NCOA2: variants seen among roughly 807,000 people sequenced by gnomAD.
NCOA2 encodes the protein nuclear receptor coactivator 2.
NCOA2 carries 21 observed loss-of-function variants against 145.1 expected under a neutral mutation model. The ratio of observed to expected loss-of-function variants is 0.14; its 90% confidence interval spans 0.10 to 0.21. NCOA2 has a LOEUF of 0.21. Among genes scored for constraint, NCOA2 ranks in the 10% least tolerant of loss-of-function variants. NCOA2 has a pLI of 1.00. For synonymous variants in NCOA2, 619 were observed against 637.5 expected (o/e 0.97, Z 0.44); for missense variants, 1,472 against 1,837.6 (o/e 0.80, Z 3.64).
chr8:70,162,988 C>T (rs1813212757), intron 8 of NCOA2, 134 bp from the exon 9 acceptor site: 1 of 830,958 alleles, frequency 1.2e-6, no homozygotes, highest in African/African-American at 1.8e-5. Flanking sequence ...GATCTCAGCT[C>T]ACTGCAACCT....
intron 2 of NCOA2, among the ~76,000 whole-genome samples, chr8:70,251,926 G>C (rs1019672260): frequency 1.3e-5 from 2 of 152,100 alleles, no homozygotes; most frequent in Non-Finnish European, 2.9e-5. Flanking sequence ...ATTGGTTCCA[G>C]GACCTCCCAT....
chr8:70,219,125 T>C (rs1046090985), intron 2 of NCOA2, among the ~76,000 whole-genome samples: 1 of 152,148 alleles, frequency 6.6e-6, no homozygotes, highest in South Asian at 2.1e-4. Flanking sequence ...CACTGGGACA[T>C]AGGGACCAGA....
intron 1 of NCOA2, among the ~76,000 whole-genome samples, chr8:70,368,639 T>C (rs1253163437): frequency 6.6e-6 from 1 of 152,240 alleles, no homozygotes; most frequent in Non-Finnish European, 1.5e-5. Context: ...ATTAAAACCT[T>C]TCACTGTATT....
intron 10 of NCOA2, among the ~76,000 whole-genome samples, chr8:70,158,917 C>G (rs554769389): frequency 6.6e-6 from 1 of 152,028 alleles, no homozygotes; most frequent in African/African-American, 2.4e-5. Context: ...GCAATCATGT[C>G]TAAGCAAACT....
At chr8:70,147,812 T>A (rs1475938518) in intron 12 of NCOA2, among the ~76,000 whole-genome samples, 2 of 152,228 alleles carry the variant, frequency 1.3e-5, no homozygotes, top group Non-Finnish European at 1.5e-5. Context: ...TTTTATTATT[T>A]TTTTTTAAAT....
At chr8:70,178,065 G>A (rs4146467) in intron 4 of NCOA2, among the ~76,000 whole-genome samples, 151,184 of 152,358 alleles carry the variant, frequency 0.99, 75,013 homozygotes, top group East Asian at 1. Context: ...TTCAGCCATC[G>A]ACATTCTGTG....
chr8:70,398,899 C>A (rs1473000334), intron 1 of NCOA2, among the ~76,000 whole-genome samples: 1 of 152,188 alleles, frequency 6.6e-6, no homozygotes, highest in Admixed American at 6.5e-5. Context: ...CACATAAAAT[C>A]TTTGCCCTAA....
rs531842936 is a variant in NCOA2 at position 70,363,425 on chromosome 8, C to T, written c.-77+40275G>A. ...AACAAGTTTAAACTTACCACACAAC[C>T]TAGTAAGCCCACTCCTAGATATTTA... is the stretch of plus-strand genomic sequence containing the variant. On this transcript the variant is annotated intron_variant, in intron 1 of 22. Transcript: ENST00000452400. Among the ~76,000 whole-genome samples, 11 of 151,728 alleles carry T rather than the reference C, an allele frequency of 7.2e-5. No homozygotes were observed. In the East Asian group the frequency reaches 2.1e-3, roughly 29 times the overall value.
chr8:70,193,863 A>T (rs1289525396), intron 4 of NCOA2, among the ~76,000 whole-genome samples: 1 of 152,010 alleles, frequency 6.6e-6, no homozygotes, highest in Non-Finnish European at 1.5e-5. Context: ...GAGTTCTGTA[A>T]TGTTTGCTAT....
At chr8:70,352,679 A>G (rs1303891646) in intron 1 of NCOA2, among the ~76,000 whole-genome samples, 1 of 152,236 alleles carries the variant, frequency 6.6e-6, no homozygotes, top group Non-Finnish European at 1.5e-5. Flanking sequence ...GAACCAATAC[A>G]TACAACAACT....
intron 1 of NCOA2, among the ~76,000 whole-genome samples, chr8:70,350,251 C>T (rs1035027335): frequency 6.6e-6 from 1 of 152,122 alleles, no homozygotes; most frequent in Admixed American, 6.6e-5. Flanking sequence ...CTTTTCCTGA[C>T]TTTAACTAAA....
chr8:70,139,650 T>C, intron 14 of NCOA2, among the ~76,000 whole-genome samples: 1 of 140,116 alleles, frequency 7.1e-6, no homozygotes, highest in African/African-American at 2.7e-5. Flanking sequence ...CCATCTTTTT[T>C]TTTTTTTTTT....
Position 70,306,907 on chromosome 8 carries a change from C to G in NCOA2, c.-76-10107G>C, listed in dbSNP as rs760688486. Among the ~76,000 whole-genome samples the G allele has an allele frequency of 3.9e-5, 6 of 152,154 alleles. No homozygotes were observed. In the South Asian group the frequency reaches 1.2e-3, roughly 32 times the overall value. On this transcript the variant is annotated intron_variant, in intron 1 of 22. Transcript: ENST00000452400. ...AAAATCCATTTTACAGATGAGGAAA[C>G]TAAGAGAAGTTAAGCAATTTACTCA...
chr8:70,438,592 A>G, the NCOA2 span, among the ~76,000 whole-genome samples: 1 of 152,184 alleles, frequency 6.6e-6, no homozygotes, highest in South Asian at 2.1e-4. Context: ...TACATGTTTT[A>G]TAAATTGTGA....
intron 4 of NCOA2, among the ~76,000 whole-genome samples, chr8:70,207,884 A>AAAAAAG (rs1554593967): frequency 5.6e-4 from 80 of 144,078 alleles, no homozygotes; most frequent in East Asian, 1.1e-3. Flanking sequence ...AAAAAAAAAA[A>AAAAAAG]AAGAAGAAGA....
chr8:70,408,460 T>C (rs1814814210), upstream of NCOA2, among the ~76,000 whole-genome samples: 1 of 152,170 alleles, frequency 6.6e-6, no homozygotes, highest in African/African-American at 2.4e-5. Flanking sequence ...ACATGATCTC[T>C]ACATTGAGAA....
intron 2 of NCOA2, among the ~76,000 whole-genome samples, chr8:70,294,307 A>G (rs1223975341): frequency 6.6e-6 from 1 of 152,170 alleles, no homozygotes; most frequent in African/African-American, 2.4e-5. Flanking sequence ...CTTTGCAAGA[A>G]AAGTGATTTA....
At chr8:70,170,613 C>G (rs930339962) in intron 5 of NCOA2, among the ~76,000 whole-genome samples, 5 of 152,104 alleles carry the variant, frequency 3.3e-5, no homozygotes, top group African/African-American at 1.2e-4. Context: ...TTTCTTGTCA[C>G]AAACTAAACG....
chr8:70,402,837 C>T (rs1814453754), intron 1 of NCOA2, among the ~76,000 whole-genome samples: 1 of 149,604 alleles, frequency 6.7e-6, no homozygotes, highest in Non-Finnish European at 1.5e-5. Flanking sequence ...AAAGTTCAGT[C>T]AGGGGCGAGC....
Sources: gnomAD v4.1 joint callset for allele counts (sites outside exome capture counted in the v4.1 genomes callset) on GRCh38, gnomAD v4.1.1 for gene constraint, MANE v1.5 for transcripts, NCBI Gene and HGNC (gene_info 2026-07-23, HGNC 2026-07-21) for gene names.